COL9A1: variants seen among roughly 807,000 people sequenced by gnomAD.
The protein encoded by COL9A1 is collagen alpha-1(IX) chain.
In COL9A1, 104 loss-of-function variants were observed where a neutral mutation model predicts 142.6. The observed-to-expected ratio is 0.73, with a 90% CI of 0.62 to 0.86. The LOEUF is 0.86. COL9A1 is among the 40% of genes least tolerant of loss of function. The pLI is 0.00. For missense variants in COL9A1, 1,210 were observed against 1,176.6 expected (o/e 1.03, Z -0.42); for synonymous variants, 466 against 396.0 (o/e 1.18, Z -2.10).
intron 23 of COL9A1, 37 bp downstream of exon 23, chr6:70,255,113 T>C: frequency 9.3e-6 from 15 of 1,613,940 alleles, no homozygotes; most frequent in Non-Finnish European, 1.3e-5. Context: ...CAATGATCAC[T>C]GAAAAATGTG....
Position 70,274,754 on chromosome 6 carries a change from C to T in COL9A1, c.994G>A (p.Gly332Arg), listed in dbSNP as rs760731478. The T allele has an allele frequency of 1.9e-6, 3 of 1,612,814 alleles. No individual in the cohort carries two copies. The highest frequency in any genetic ancestry group is 2.7e-5 in the African/African-American group (2 of 74,998). ...TTTGACCCAATGGAGCCAGGGGATC[C>T]ATCAGGTCCTGTTAATCCCTAATAG... Reference protein sequence around the residue: ...PGADGLTGPDGSPGSIGSKGQ... With the variant: ...PGADGLTGPDRSPGSIGSKGQ... Residue 332 changes from glycine to arginine, a missense_variant, in exon 11 of 38, where the codon GGA (glycine) becomes AGA (arginine). Transcript: ENST00000357250.
intron 30 of COL9A1, among the ~76,000 whole-genome samples, chr6:70,241,696 A>G (rs1404876359): frequency 2.0e-5 from 3 of 152,342 alleles, no homozygotes; most frequent in Non-Finnish European, 2.9e-5. Flanking sequence ...AAATTTGACT[A>G]GTAGAAATGT....
chr6:70,280,345 C>A, intron 10 of COL9A1: 1 of 1,193,574 alleles, frequency 8.4e-7, no homozygotes, highest in South Asian at 3.2e-5. Flanking sequence ...AGTGCTCTGG[C>A]CCTTTGCCTA....
intron 5 of COL9A1, among the ~76,000 whole-genome samples, chr6:70,292,197 T>C (rs1414181317): frequency 2.0e-5 from 3 of 152,160 alleles, no homozygotes; most frequent in Non-Finnish European, 4.4e-5. Context: ...CTAGTTTAGC[T>C]ATCATTGTCA....
intron 10 of COL9A1, among the ~76,000 whole-genome samples, chr6:70,276,735 A>G (rs1050720431): frequency 6.6e-6 from 1 of 152,196 alleles, no homozygotes; most frequent in African/African-American, 2.4e-5. Context: ...ATTACTGCCT[A>G]CAATAAGTTT....
intron 37 of COL9A1, among the ~76,000 whole-genome samples, chr6:70,218,710 G>C (rs1039123067): frequency 6.6e-6 from 1 of 150,488 alleles, no homozygotes; most frequent in Non-Finnish European, 1.5e-5. Flanking sequence ...TCTTTTGTTG[G>C]TCTTACTGTA....
Position 70,216,755 on chromosome 6 carries a change from G to A in COL9A1, c.*142C>T. 2 of 849,318 alleles carry A rather than the reference G, an allele frequency of 2.4e-6. No homozygotes were observed. The highest frequency in any genetic ancestry group is 2.9e-5 in the South Asian group (2 of 68,776). 52.6% of individuals were successfully genotyped at this position (849,318 alleles called of 1,614,324 possible). Reference sequence around the variant, plus strand: ...TTCTTCTATATGTGATTGTCAAGTAGGACTTCTGTAATCATACTGAAGGTA... The same window carrying A: ...TTCTTCTATATGTGATTGTCAAGTAAGACTTCTGTAATCATACTGAAGGTA... On this transcript the variant is annotated 3_prime_UTR_variant, in exon 38 of 38. Coordinates refer to ENST00000357250, the MANE Select transcript of COL9A1 (RefSeq NM_001851.6).
At chr6:70,237,749 C>T (rs771904230) in intron 33 of COL9A1, among the ~76,000 whole-genome samples, 11 of 152,166 alleles carry the variant, frequency 7.2e-5, no homozygotes, top group Non-Finnish European at 1.3e-4. Flanking sequence ...AATTCTTAGG[C>T]ATAAAAATGT....
intron 20 of COL9A1, among the ~76,000 whole-genome samples, chr6:70,260,397 G>T (rs1771593275): frequency 6.6e-6 from 1 of 151,938 alleles, no homozygotes. Context: ...ACAAAAATTA[G>T]CCGGGCGTGG....
intron 37 of COL9A1, among the ~76,000 whole-genome samples, chr6:70,218,972 A>G (rs911865741): frequency 3.7e-4 from 57 of 152,228 alleles, no homozygotes; most frequent in African/African-American, 1.1e-3. Flanking sequence ...TCATTCAACT[A>G]TACCTAGTAA....
intron 20 of COL9A1, among the ~76,000 whole-genome samples, chr6:70,259,949 A>G (rs501517): frequency 0.039 from 5,985 of 152,020 alleles, 419 homozygotes; most frequent in African/African-American, 0.13. Flanking sequence ...CAGGTGGGTC[A>G]CTGGAGGCTC....
intron 19 of COL9A1, 77 bp downstream of exon 19, chr6:70,263,167 T>C (rs1456758877): frequency 1.6e-6 from 2 of 1,214,576 alleles, no homozygotes; most frequent in Admixed American, 2.1e-5. Context: ...AACTGCTAAA[T>C]AGAAAATATT....
At chr6:70,242,230 A>G (rs1444687164) in intron 29 of COL9A1, 195 bp from the exon 30 acceptor site, 6 of 646,712 alleles carry the variant, frequency 9.3e-6, no homozygotes, top group South Asian at 5.0e-5. Flanking sequence ...CCCAGCCTTC[A>G]CTCCACCCTA....
chr6:70,276,152 A>G (rs1380347762), intron 10 of COL9A1, among the ~76,000 whole-genome samples: 1 of 152,176 alleles, frequency 6.6e-6, no homozygotes, highest in Non-Finnish European at 1.5e-5. Context: ...CAATAGCCCT[A>G]GTCTAATTAC....
intron 4 of COL9A1, among the ~76,000 whole-genome samples, chr6:70,296,355 A>C (rs1336423281): frequency 6.6e-6 from 1 of 152,064 alleles, no homozygotes; most frequent in Non-Finnish European, 1.5e-5. Context: ...CTTACTGCAA[A>C]GTTTTCAGTT....
chr6:70,255,185 C>T lies in COL9A1; in HGVS notation c.1576G>A (p.Gly526Arg). The change falls in exon 23 of 38, where the codon GGA (glycine) becomes AGA (arginine). Residue 526 changes from glycine to arginine, a missense_variant. By Grantham distance (125) the Gly-to-Arg change is moderately radical. Transcript: ENST00000357250. Reference protein sequence around the residue: ...KGDRGAEGARGIPGLPGPKGD... With the variant: ...KGDRGAEGARRIPGLPGPKGD... ...TTGGGCCCAGGGAGACCAGGAATTCCTCTAGCACCTTCAGCCCCCTGCAGG... is the reference window on the plus strand; with the variant it reads ...TTGGGCCCAGGGAGACCAGGAATTCTTCTAGCACCTTCAGCCCCCTGCAGG... 6.2e-7 allele frequency: 1 copy of T among 1,614,194 alleles called. No homozygotes were observed. Among genetic ancestry groups the T allele is most frequent in the African/African-American group, 1.3e-5 (1 of 75,056 alleles).
intron 36 of COL9A1, among the ~76,000 whole-genome samples, chr6:70,231,755 C>T (rs763105279): frequency 6.6e-6 from 1 of 151,846 alleles, no homozygotes; most frequent in Non-Finnish European, 1.5e-5. Context: ...TCTGATGCCA[C>T]GTCTTTCTGA....
rs375886220 is a variant in COL9A1 at position 70,232,555 on chromosome 6, T to C, written c.2503+28A>G. On this transcript the variant is annotated intron_variant, in intron 36 of 37. Transcript: ENST00000357250. ...ATACATCTGAAAAAGGTTGTGTTCTTTGGTTCCACATGGGCAAGATGACTT... is the reference window on the plus strand; with the variant it reads ...ATACATCTGAAAAAGGTTGTGTTCTCTGGTTCCACATGGGCAAGATGACTT... 1.9e-5 allele frequency: 31 copies of C among 1,611,986 alleles called. No homozygotes were observed. In the Admixed American group the frequency reaches 2.7e-4, roughly 14 times the overall value.
rs1423309713 is a variant in COL9A1, at chr6:70,217,107, G to A, written c.2582-26C>T. On this transcript the variant is annotated intron_variant, in intron 37 of 37. Transcript: ENST00000357250. Reference sequence around the variant, plus strand: ...CTGAAACACACAGAAGATTGCACATGTGAACAGGAGAATCCTCATTGATGC... The same window carrying A: ...CTGAAACACACAGAAGATTGCACATATGAACAGGAGAATCCTCATTGATGC... The A allele has an allele frequency of 7.4e-6, 12 of 1,612,064 alleles. No individual in the cohort carries two copies. In the Admixed American group the frequency reaches 2.0e-4, roughly 27 times the overall value.
Sources: gnomAD v4.1 joint callset for allele counts (sites outside exome capture counted in the v4.1 genomes callset) on GRCh38, gnomAD v4.1.1 for gene constraint, MANE v1.5 for transcripts, NCBI Gene and HGNC (gene_info 2026-07-23, HGNC 2026-07-21) for gene names.